MTAP: variants seen among roughly 807,000 people sequenced by gnomAD.
MTAP encodes the protein methylthioadenosine phosphorylase, also known as S-methyl-5'-thioadenosine phosphorylase.
In MTAP, 33 loss-of-function variants were observed where a neutral mutation model predicts 33.6. The observed-to-expected ratio is 0.98, with a 90% CI of 0.74 to 1.31. The LOEUF (loss-of-function observed/expected upper bound fraction) is 1.31, where lower values mean the gene tolerates loss of function less well. Ranked by LOEUF, MTAP falls within the 40% of genes most tolerant of loss-of-function variation. The probability of loss-of-function intolerance (pLI) is 0.00; values close to 1 mark genes in which losing one functional copy is unlikely to be tolerated. For synonymous variants in MTAP, 148 were observed against 125.7 expected, an observed-to-expected ratio of 1.18 and a Z score of -1.19; for missense variants, 367 against 360.0, an observed-to-expected ratio of 1.02 and a Z score of -0.16.
Position 21,818,214 on chromosome 9 carries a change from T to C in MTAP, c.347+12T>C, listed in dbSNP as rs1239538774. 3 of 1,599,012 alleles carry C rather than the reference T, an allele frequency of 1.9e-6. No individual in the cohort carries two copies. Among genetic ancestry groups the C allele is most frequent in the Non-Finnish European group, 2.6e-6 (3 of 1,171,152 alleles). On this transcript the variant is annotated intron_variant, in intron 4 of 7. Coordinates refer to ENST00000644715, the MANE Select transcript of MTAP (RefSeq NM_002451.4). ...CAGTTCATTGACAGGTAAGCAGTCA[T>C]ACAAAATGCTTTAGGCTATTGTAGC...
At chr9:21,901,940 A>G (rs1022894330) in intron 1 of MTAP, among the ~76,000 whole-genome samples, 3 of 152,218 alleles carry the variant, frequency 2.0e-5, no homozygotes. Context: ...AAAAAGGAAA[A>G]TATGACAAAT....
chr9:21,898,983 T>G (rs938076455), intron 1 of MTAP, among the ~76,000 whole-genome samples: 2 of 151,980 alleles, frequency 1.3e-5, no homozygotes, highest in African/African-American at 4.8e-5. Context: ...GGAACCAACT[T>G]AAATGTCCAT....
chr9:21,831,380 G>T (rs143798936), intron 4 of MTAP, among the ~76,000 whole-genome samples: 2 of 151,998 alleles, frequency 1.3e-5, no homozygotes, highest in Non-Finnish European at 2.9e-5. Context: ...TCTGTTGCCC[G>T]GGGTAGAGTG....
At chr9:21,901,252 T>C (rs1818388399) in intron 1 of MTAP, among the ~76,000 whole-genome samples, 1 of 152,184 alleles carries the variant, frequency 6.6e-6, no homozygotes, top group Non-Finnish European at 1.5e-5. Context: ...TCTTCATAGA[T>C]GGAAAGGCTC....
downstream of MTAP, among the ~76,000 whole-genome samples, chr9:21,940,134 C>T (rs1012658974): frequency 6.6e-6 from 1 of 152,098 alleles, no homozygotes; most frequent in Non-Finnish European, 1.5e-5. Flanking sequence ...TTTTAAGAAC[C>T]TAATGAAGAA....
downstream of MTAP, among the ~76,000 whole-genome samples, chr9:21,867,534 TTATA>T (rs540906058): frequency 1.0e-3 from 152 of 152,288 alleles, no homozygotes; most frequent in African/African-American, 3.4e-3. Context: ...GTTATCCCCT[TTATA>T]TAATGCTGGA....
intron 1 of MTAP, among the ~76,000 whole-genome samples, chr9:21,924,896 G>C (rs1467534828): frequency 6.6e-6 from 1 of 152,198 alleles, no homozygotes; most frequent in African/African-American, 2.4e-5. Context: ...TGCATCAAAG[G>C]GTTCCATAAA....
intron 1 of MTAP, among the ~76,000 whole-genome samples, chr9:21,901,080 C>T (rs558324377): frequency 1.3e-5 from 2 of 152,164 alleles, no homozygotes; most frequent in Non-Finnish European, 2.9e-5. Flanking sequence ...TGCTTATTAC[C>T]TGGGTGATGG....
chr9:21,838,092 C>T lies in MTAP; in HGVS notation c.450+82C>T, dbSNP rs113075040. The T allele has an allele frequency of 5.1e-4, 572 of 1,111,166 alleles. 1 individual carries two copies. The highest frequency in any genetic ancestry group is 7.3e-4 in the Non-Finnish European group (536 of 730,908). The allele number at this position is 1,111,166 out of a possible 1,614,324, so 68.8% of individuals were successfully genotyped here. On this transcript the variant is annotated intron_variant, in intron 5 of 7. Transcript: ENST00000644715. ...TCTGGCATTTGGTTAATTGGCAGAG[C>T]GAGTGGCCCCATACCCTCACTCAAG...
At chr9:21,931,178 G>A (rs750762477) in exon 2 of MTAP, 14 of 742,982 alleles carry the variant, frequency 1.9e-5, no homozygotes, top group Non-Finnish European at 3.4e-5. Flanking sequence ...AACCCATGCA[G>A]CCACCCTGCC....
chr9:21,857,998 G>A (rs965486588), intron 6 of MTAP, among the ~76,000 whole-genome samples: 3 of 152,106 alleles, frequency 2.0e-5, no homozygotes, highest in Admixed American at 2.0e-4. Flanking sequence ...TCTTAAGGTA[G>A]CATTTTATTT....
intron 1 of MTAP, among the ~76,000 whole-genome samples, chr9:21,879,558 G>T (rs927107400): frequency 6.6e-6 from 1 of 152,010 alleles, no homozygotes; most frequent in Admixed American, 6.6e-5. Context: ...TACATTCAAG[G>T]TTAGTATCAA....
At chr9:21,831,752 GTCT>G (rs1824972186) in intron 4 of MTAP, among the ~76,000 whole-genome samples, 1 of 151,692 alleles carries the variant, frequency 6.6e-6, no homozygotes, top group Non-Finnish European at 1.5e-5. Context: ...TTTTTTAATA[GTCT>G]TCTTTATCAG....
intron 1 of MTAP, among the ~76,000 whole-genome samples, chr9:21,875,081 A>C (rs573775079): frequency 6.6e-6 from 1 of 152,088 alleles, no homozygotes; most frequent in South Asian, 2.1e-4. Context: ...CTGTCATTGG[A>C]TGGGCATTTG....
intron 1 of MTAP, among the ~76,000 whole-genome samples, chr9:21,898,936 A>G (rs1180678426): frequency 6.6e-6 from 1 of 152,166 alleles, no homozygotes; most frequent in Non-Finnish European, 1.5e-5. Context: ...ATGCACATGT[A>G]TGTTTATTGT....
At chr9:21,809,365 C>T (rs370916632) in intron 1 of MTAP, among the ~76,000 whole-genome samples, 4 of 152,082 alleles carry the variant, frequency 2.6e-5, no homozygotes, top group African/African-American at 7.2e-5. Context: ...AGGGGCCGGG[C>T]GCGGTGGCTC....
chr9:21,929,443 C>T (rs1224987547), intron 1 of MTAP: 1 of 172,808 alleles, frequency 5.8e-6, no homozygotes, highest in Non-Finnish European at 1.3e-5. Context: ...CTCACAATCA[C>T]CTTAGGTCAC....
chr9:21,804,382 C>G (rs1257364482), intron 1 of MTAP, among the ~76,000 whole-genome samples: 6 of 152,218 alleles, frequency 3.9e-5, no homozygotes, highest in African/African-American at 1.4e-4. Flanking sequence ...AGCATTCTCC[C>G]TGCCACAGGG....
intron 1 of MTAP, among the ~76,000 whole-genome samples, chr9:21,883,257 G>A (rs1818046682): frequency 6.6e-6 from 1 of 152,042 alleles, no homozygotes; most frequent in Admixed American, 6.6e-5. Flanking sequence ...ACTCTGCATG[G>A]TGAATCACTA....
Sources: allele counts gnomAD v4.1 joint callset (sites outside exome capture counted in the v4.1 genomes callset), GRCh38; gene constraint gnomAD v4.1.1; transcripts MANE v1.5; gene names NCBI Gene and HGNC (gene_info 2026-07-23, HGNC 2026-07-21).